Variants in PLXDC2 observed in about 807,000 individuals in gnomAD.
PLXDC2 encodes plexin domain containing 2.
Under a neutral mutation model 68.9 loss-of-function variants are expected in PLXDC2, and 40 were observed. That is an observed-to-expected ratio of 0.58 (90% confidence interval 0.45 to 0.76). PLXDC2 has a LOEUF of 0.76. Ranked by LOEUF, PLXDC2 falls within the 30% of genes least tolerant of loss-of-function variation. The probability of loss-of-function intolerance (pLI) is 0.00; values close to 1 mark genes in which losing one functional copy is unlikely to be tolerated. For synonymous variants in PLXDC2, 243 were observed against 234.2 expected (o/e 1.04, Z -0.34); for missense variants, 644 against 661.9 (o/e 0.97, Z 0.30).
intron 1 of PLXDC2, among the ~76,000 whole-genome samples, chr10:19,945,826 G>A (rs1023795297): frequency 6.6e-6 from 1 of 152,096 alleles, no homozygotes; most frequent in Non-Finnish European, 1.5e-5. Flanking sequence ...GTGTGACAAA[G>A]CCCCCAGTTC....
intron 2 of PLXDC2, among the ~76,000 whole-genome samples, chr10:20,046,272 C>T (rs1409948091): frequency 2.0e-5 from 3 of 151,862 alleles, no homozygotes; most frequent in Non-Finnish European, 2.9e-5. Context: ...CCTTCCAAGT[C>T]TTGTATATTT....
chr10:19,825,196 C>T (rs1473482914), intron 1 of PLXDC2, among the ~76,000 whole-genome samples: 1 of 152,164 alleles, frequency 6.6e-6, no homozygotes, highest in Non-Finnish European at 1.5e-5. Context: ...TACTCAGTTC[C>T]TCAATTATTT....
chr10:19,924,943 A>G (rs1040334728), intron 1 of PLXDC2, among the ~76,000 whole-genome samples: 2 of 152,226 alleles, frequency 1.3e-5, no homozygotes, highest in Admixed American at 1.3e-4. Flanking sequence ...GGCCTGTCCC[A>G]CATCTCAATG....
intron 3 of PLXDC2, among the ~76,000 whole-genome samples, chr10:20,048,450 A>G (rs1835835858): frequency 6.6e-6 from 1 of 152,120 alleles, no homozygotes. Context: ...TCACAGTGGA[A>G]TTTCCAACAG....
rs138913451 is a variant in PLXDC2 at position 20,213,856 on chromosome 10, C to G, written c.1122+2127C>G. Among the ~76,000 whole-genome samples the G allele has an allele frequency of 2.8e-3, 431 of 152,238 alleles. 3 individuals are homozygous for G. Among genetic ancestry groups the G allele is most frequent in the African/African-American group, 9.8e-3 (409 of 41,552 alleles). On this transcript the variant is annotated intron_variant, in intron 10 of 13. Coordinates refer to ENST00000377252, the MANE Select transcript of PLXDC2 (RefSeq NM_032812.9). The stretch of plus-strand genomic sequence containing the variant: ...CTCTTCAGCTATACTTCTCCACTCT[C>G]TTTATTTTCACCTTCTGACTTCTTT...
chr10:20,101,075 T>C (rs1478852177), intron 4 of PLXDC2, among the ~76,000 whole-genome samples: 1 of 152,158 alleles, frequency 6.6e-6, no homozygotes, highest in Non-Finnish European at 1.5e-5. Flanking sequence ...TTCTGCCAAA[T>C]GATGAAAATA....
chr10:19,879,370 T>C (rs1397789085), intron 1 of PLXDC2, among the ~76,000 whole-genome samples: 1 of 152,174 alleles, frequency 6.6e-6, no homozygotes, highest in Non-Finnish European at 1.5e-5. Flanking sequence ...TGGTAAATAT[T>C]ATTCATCTAG....
At chr10:20,023,444 A>C (rs1009170008) in intron 2 of PLXDC2, among the ~76,000 whole-genome samples, 2 of 152,156 alleles carry the variant, frequency 1.3e-5, no homozygotes, top group Non-Finnish European at 2.9e-5. Context: ...GTGGGGCCTA[A>C]TAAGAGGTAA....
intron 9 of PLXDC2, among the ~76,000 whole-genome samples, chr10:20,188,539 G>T (rs1238255840): frequency 6.6e-6 from 1 of 151,678 alleles, no homozygotes; most frequent in Non-Finnish European, 1.5e-5. Context: ...GAATGCTGAG[G>T]TAGTCTAGGA....
intron 12 of PLXDC2, among the ~76,000 whole-genome samples, chr10:20,244,054 G>A (rs1005682943): frequency 2.6e-5 from 4 of 151,636 alleles, no homozygotes; most frequent in Admixed American, 6.6e-5. Flanking sequence ...GACAGAGCGA[G>A]ATTCCCATCT....
At chr10:20,062,487 C>T (rs1051311177) in intron 3 of PLXDC2, among the ~76,000 whole-genome samples, 1 of 151,908 alleles carries the variant, frequency 6.6e-6, no homozygotes, top group South Asian at 2.1e-4. Context: ...TGTATGAAAT[C>T]GCACAGTTAC....
intron 2 of PLXDC2, among the ~76,000 whole-genome samples, chr10:20,037,772 C>A (rs993329555): frequency 6.6e-6 from 1 of 152,120 alleles, no homozygotes; most frequent in African/African-American, 2.4e-5. Flanking sequence ...TCACCCAACT[C>A]GGCATAGCAG....
intron 13 of PLXDC2, among the ~76,000 whole-genome samples, chr10:20,267,052 A>G (rs1453202988): frequency 6.6e-6 from 1 of 152,228 alleles, no homozygotes; most frequent in African/African-American, 2.4e-5. Flanking sequence ...TTTTCCCAAA[A>G]GAACATTTGT....
In PLXDC2 at chr10:20,052,330, A is replaced by G. The variant is rs1057087717; in HGVS notation, c.471+5315A>G. Among the ~76,000 whole-genome samples, 6 of 152,120 alleles carry G rather than the reference A, an allele frequency of 3.9e-5. No homozygotes were observed. The East Asian group carries it at 7.7e-4, about 20-fold the overall frequency. On this transcript the variant is annotated intron_variant, in intron 3 of 13. Coordinates refer to ENST00000377252, the MANE Select transcript of PLXDC2 (RefSeq NM_032812.9). ...CTCAACTGGACTTTCTACCTTTCCA[A>G]TCCTGCCTGGTTCTCTGTTTCATTT...
chr10:20,237,417 T>C (rs1370061394), intron 12 of PLXDC2, among the ~76,000 whole-genome samples: 1 of 151,926 alleles, frequency 6.6e-6, no homozygotes, highest in Non-Finnish European at 1.5e-5. Flanking sequence ...ACAAAAGACA[T>C]AAAACACCCA....
At chr10:20,072,623 C>G (rs1228363191) in intron 4 of PLXDC2, among the ~76,000 whole-genome samples, 2 of 152,002 alleles carry the variant, frequency 1.3e-5, no homozygotes, top group African/African-American at 2.4e-5. Context: ...TAGATCTGGC[C>G]TGATCTGTCA....
chr10:20,208,681 T>A (rs927509971), intron 9 of PLXDC2, among the ~76,000 whole-genome samples: 7 of 152,154 alleles, frequency 4.6e-5, no homozygotes, highest in African/African-American at 1.4e-4. Context: ...TTTCAAACGT[T>A]CTCAACTAAG....
At chr10:19,960,739 AT>A (rs78233859) in intron 1 of PLXDC2, among the ~76,000 whole-genome samples, 2 of 152,014 alleles carry the variant, frequency 1.3e-5, no homozygotes, top group Non-Finnish European at 2.9e-5. Flanking sequence ...CTGATTACAT[AT>A]TTTTTTCCTT....
At chr10:19,822,054 A>G (rs1836476222) in intron 1 of PLXDC2, among the ~76,000 whole-genome samples, 1 of 151,976 alleles carries the variant, frequency 6.6e-6, no homozygotes, top group Non-Finnish European at 1.5e-5. Context: ...TTTACTTAGC[A>G]CAATGTCCCC....
Sources: allele counts gnomAD v4.1 joint callset (sites outside exome capture counted in the v4.1 genomes callset), GRCh38; gene constraint gnomAD v4.1.1; transcripts MANE v1.5; gene names NCBI Gene and HGNC (gene_info 2026-07-23, HGNC 2026-07-21).